Variants in FYN observed in about 807,000 individuals in gnomAD.
The protein encoded by FYN is tyrosine-protein kinase Fyn.
In FYN, 10 loss-of-function variants were observed where a neutral mutation model predicts 70.2. The ratio of observed to expected loss-of-function variants is 0.14; its 90% CI spans 0.09 to 0.24. The LOEUF (loss-of-function observed/expected upper bound fraction) is 0.24. Among genes scored for constraint, FYN ranks in the 10% least tolerant of loss-of-function variants. The pLI, the probability that FYN is intolerant of heterozygous loss-of-function variation, is 1.00. For missense variants in FYN, 319 were observed against 673.1 expected, an observed-to-expected ratio of 0.47 and a Z score of 5.82; for synonymous variants, 236 against 248.6, an observed-to-expected ratio of 0.95 and a Z score of 0.48.
intron 3 of FYN, among the ~76,000 whole-genome samples, chr6:111,727,802 TTAAG>T (rs1801259544): frequency 6.6e-6 from 1 of 152,208 alleles, no homozygotes; most frequent in Admixed American, 6.5e-5. Context: ...TCATGTTACT[TTAAG>T]AATAAGCCAT....
At chr6:111,779,121 A>ATTTTT (rs397934539) in intron 3 of FYN, among the ~76,000 whole-genome samples, 354 of 91,290 alleles carry the variant, frequency 3.9e-3, no homozygotes, top group Middle Eastern at 8.6e-3. Context: ...AGTAGGAGAC[A>ATTTTT]TTTTTTTTTT....
chr6:111,725,540 C>T (rs1185195155), intron 3 of FYN, among the ~76,000 whole-genome samples: 8 of 152,174 alleles, frequency 5.3e-5, no homozygotes, highest in Non-Finnish European at 1.2e-4. Flanking sequence ...CTTGGGATCA[C>T]AAGCATTTCC....
intron 3 of FYN, among the ~76,000 whole-genome samples, chr6:111,762,107 A>G (rs1477741301): frequency 1.3e-5 from 2 of 152,140 alleles, no homozygotes; most frequent in Non-Finnish European, 2.9e-5. Context: ...TCATCATGGA[A>G]TCCTATCTAA....
chr6:111,734,698 C>A (rs1335918247), intron 3 of FYN, among the ~76,000 whole-genome samples: 1 of 152,100 alleles, frequency 6.6e-6, no homozygotes, highest in South Asian at 2.1e-4. Context: ...AGAAACGACC[C>A]CCCCTACCCC....
chr6:111,671,937 A>G (rs907079201), intron 13 of FYN, among the ~76,000 whole-genome samples: 3 of 152,178 alleles, frequency 2.0e-5, no homozygotes, highest in Non-Finnish European at 4.4e-5. Context: ...GATTATAGCT[A>G]TGTTAAAAAG....
chr6:111,749,644 G>T (rs1346295068), intron 3 of FYN, among the ~76,000 whole-genome samples: 1 of 152,068 alleles, frequency 6.6e-6, no homozygotes, highest in Admixed American at 6.5e-5. Context: ...AAGTTATTCT[G>T]CATCTCCCAG....
At chr6:111,833,537 C>T (rs949685786) in intron 2 of FYN, among the ~76,000 whole-genome samples, 11 of 152,158 alleles carry the variant, frequency 7.2e-5, no homozygotes, top group African/African-American at 2.7e-4. Context: ...ACGGGTGTTT[C>T]CATACCCGTA....
chr6:111,754,349 G>A (rs993695267), intron 3 of FYN: 29 of 152,104 alleles, frequency 1.9e-4, no homozygotes, highest in African/African-American at 6.0e-4. Flanking sequence ...CCTCTCCCAC[G>A]GGGAAGGAGG....
Position 111,694,757 on chromosome 6 carries a change from C to T in FYN, c.1043-53G>A. ...ATTTACTTTGAAAGATAATTCCCAACAGAGAGCTGTATTTGGTTTTCTTAT... is the reference window on the plus strand; with the variant it reads ...ATTTACTTTGAAAGATAATTCCCAATAGAGAGCTGTATTTGGTTTTCTTAT... On this transcript the variant is annotated intron_variant, in intron 10 of 13. Coordinates refer to ENST00000354650, the MANE Select transcript of FYN (RefSeq NM_002037.5). The surrounding 1 kb of genome is among the most constrained non-coding windows in gnomAD (Gnocchi z 5.0). 6.8e-7 allele frequency: 1 copy of T among 1,475,278 alleles called. No homozygotes were observed. The allele number at this position is 1,475,278 out of a possible 1,614,324, so 91.4% of individuals were successfully genotyped here.
In FYN at chr6:111,708,069, C is replaced by T. The variant is rs753429938; in HGVS notation, c.345-49G>A. On this transcript the variant is annotated intron_variant, in intron 5 of 13. Coordinates refer to ENST00000354650, the MANE Select transcript of FYN (RefSeq NM_002037.5). ...ATATGTTGACCATTTCAACAGCTTG[C>T]AGTTAGAGACTCACTGTGGTCTGAA... The T allele has an allele frequency of 2.9e-6, 4 of 1,356,728 alleles. No homozygotes were observed. In the South Asian group the frequency reaches 3.5e-5, roughly 12 times the overall value. The allele number at this position is 1,356,728 out of a possible 1,614,324, so 84.0% of individuals were successfully genotyped here. A position where few individuals can be genotyped will look rare whatever the true frequency, so the allele number is the denominator to read the frequency against.
chr6:111,740,980 C>A (rs369294387), intron 3 of FYN: 8 of 152,054 alleles, frequency 5.3e-5, no homozygotes, highest in African/African-American at 1.7e-4. Context: ...GTGGTGCTCA[C>A]CTGTGGTCCC....
chr6:111,703,074 G>C, intron 7 of FYN, 40 bp from the exon 8 acceptor site: 2 of 1,600,312 alleles, frequency 1.2e-6, no homozygotes, highest in Admixed American at 1.7e-5. Context: ...CAATCATTTA[G>C]AGTATCAGCT....
At chr6:111,697,772 T>C (rs1279783178) in intron 9 of FYN, among the ~76,000 whole-genome samples, 20 of 152,238 alleles carry the variant, frequency 1.3e-4, no homozygotes, top group Non-Finnish European at 2.8e-4. Flanking sequence ...TTGTGTTTAT[T>C]GGAAAACAAA....
At chr6:111,684,810 G>A (rs768361361) in intron 12 of FYN, among the ~76,000 whole-genome samples, 44 of 152,140 alleles carry the variant, frequency 2.9e-4, no homozygotes, top group Non-Finnish European at 5.6e-4. Flanking sequence ...GAGAACCATC[G>A]AAGGGACTTT....
chr6:111,679,670 T>C (rs1798700282), intron 12 of FYN, among the ~76,000 whole-genome samples: 1 of 152,174 alleles, frequency 6.6e-6, no homozygotes, highest in Non-Finnish European at 1.5e-5. Flanking sequence ...AGTGTCACTG[T>C]CTGGATGTCC....
intron 2 of FYN, among the ~76,000 whole-genome samples, chr6:111,803,520 T>G (rs1469739455): frequency 2.0e-5 from 3 of 152,200 alleles, no homozygotes; most frequent in African/African-American, 7.2e-5. Flanking sequence ...CTGTTTAGTT[T>G]CACATTCTGT....
chr6:111,788,454 G>A (rs1026930711), intron 2 of FYN, among the ~76,000 whole-genome samples: 5 of 152,044 alleles, frequency 3.3e-5, no homozygotes, highest in African/African-American at 1.2e-4. Flanking sequence ...ACACTTGCAG[G>A]GCCCACTTGC....
intron 1 of FYN, among the ~76,000 whole-genome samples, chr6:111,857,159 C>T (rs1773843334): frequency 6.6e-6 from 1 of 152,172 alleles, no homozygotes; most frequent in Non-Finnish European, 1.5e-5. Flanking sequence ...AAATGAAGAG[C>T]ATTTCCCCTT....
chr6:111,764,797 A>C (rs1803163061), intron 3 of FYN, among the ~76,000 whole-genome samples: 1 of 152,202 alleles, frequency 6.6e-6, no homozygotes, highest in Admixed American at 6.5e-5. Context: ...GACAATGTTA[A>C]ACAGAAGTAA....
Sources: gnomAD v4.1 joint callset for allele counts (sites outside exome capture counted in the v4.1 genomes callset) on GRCh38, gnomAD v4.1.1 for gene constraint, Gnocchi (gnomAD v3.1) non-coding constraint, MANE v1.5 for transcripts, NCBI Gene and HGNC (gene_info 2026-07-23, HGNC 2026-07-21) for gene names.